SMOC2: variants seen among roughly 807,000 people sequenced by gnomAD.
The protein encoded by SMOC2 is SPARC-related modular calcium-binding protein 2.
Under a neutral mutation model 61.4 loss-of-function variants are expected in SMOC2, and 39 were observed. That is an observed-to-expected ratio of 0.64 (90% CI 0.49 to 0.83). SMOC2 has a LOEUF of 0.83. Among genes scored for constraint, SMOC2 ranks in the 40% least tolerant of loss-of-function variants. The pLI is 0.00. For missense variants in SMOC2, 556 were observed against 592.9 expected, an observed-to-expected ratio of 0.94 and a Z score of 0.65; for synonymous variants, 247 against 239.9, an observed-to-expected ratio of 1.03 and a Z score of -0.27.
intron 1 of SMOC2, among the ~76,000 whole-genome samples, chr6:168,446,121 G>C (rs537660477): frequency 3.8e-4 from 58 of 152,362 alleles, no homozygotes; most frequent in Middle Eastern, 3.4e-3. Flanking sequence ...CCAACACTTT[G>C]GGAAGCCAAG....
At chr6:168,575,054 A>C (rs1784763814) in intron 7 of SMOC2, among the ~76,000 whole-genome samples, 1 of 149,192 alleles carries the variant, frequency 6.7e-6, no homozygotes, top group Admixed American at 6.7e-5. Flanking sequence ...CTGCCAGCTT[A>C]GCAGCACCCT....
At chr6:168,539,645 G>A (rs995829189) in intron 4 of SMOC2, among the ~76,000 whole-genome samples, 1 of 152,254 alleles carries the variant, frequency 6.6e-6, no homozygotes, top group African/African-American at 2.4e-5. Context: ...GGGACAGAAC[G>A]CTCCTAACAG....
intron 7 of SMOC2, among the ~76,000 whole-genome samples, chr6:168,577,402 C>A (rs1355741641): frequency 6.6e-6 from 1 of 152,218 alleles, no homozygotes; most frequent in East Asian, 1.9e-4. Flanking sequence ...TCTGCTGGCA[C>A]CTAAACTCTG....
At chr6:168,541,506 G>A (rs1783878365) in intron 4 of SMOC2, among the ~76,000 whole-genome samples, 3 of 152,154 alleles carry the variant, frequency 2.0e-5, no homozygotes, top group Admixed American at 2.0e-4. Flanking sequence ...TCTTGGGTCT[G>A]GATTTGTGTG....
intron 1 of SMOC2, among the ~76,000 whole-genome samples, chr6:168,491,082 A>G (rs1232585248): frequency 6.6e-6 from 1 of 152,148 alleles, no homozygotes; most frequent in Non-Finnish European, 1.5e-5. Flanking sequence ...GTGACCCTGT[A>G]GGACTCTGGA....
chr6:168,590,554 C>T (rs935535166), intron 7 of SMOC2, among the ~76,000 whole-genome samples: 2 of 151,972 alleles, frequency 1.3e-5, no homozygotes, highest in African/African-American at 4.8e-5. Context: ...AGCAAGAACT[C>T]TCCAAATGTT....
intron 7 of SMOC2, among the ~76,000 whole-genome samples, chr6:168,567,378 G>A (rs571504334): frequency 6.6e-6 from 1 of 152,228 alleles, no homozygotes; most frequent in East Asian, 1.9e-4. Context: ...TGTATCAGAA[G>A]TTAAATTATG....
chr6:168,642,732 G>A (rs1377895279), intron 9 of SMOC2, among the ~76,000 whole-genome samples: 1 of 152,184 alleles, frequency 6.6e-6, no homozygotes, highest in East Asian at 1.9e-4. Context: ...CCTTTTATAA[G>A]CTGCAGGCAC....
At chr6:168,585,225 C>G (rs1309591951) in intron 7 of SMOC2, among the ~76,000 whole-genome samples, 1 of 152,210 alleles carries the variant, frequency 6.6e-6, no homozygotes, top group African/African-American at 2.4e-5. Context: ...TCCCAAAGGG[C>G]TGGGATTACA....
chr6:168,638,451 G>C (rs1467582385), intron 9 of SMOC2, among the ~76,000 whole-genome samples: 1 of 152,152 alleles, frequency 6.6e-6, no homozygotes, highest in Non-Finnish European at 1.5e-5. Flanking sequence ...AAGCAGCCCT[G>C]TTTTACTGTT....
intron 4 of SMOC2, among the ~76,000 whole-genome samples, chr6:168,539,039 C>T (rs1013164475): frequency 2.6e-5 from 4 of 152,162 alleles, no homozygotes; most frequent in East Asian, 1.9e-4. Context: ...TTCCTCCCTT[C>T]GCTTTGGGCA....
intron 2 of SMOC2, among the ~76,000 whole-genome samples, chr6:168,512,781 A>G (rs918243510): frequency 6.6e-6 from 1 of 152,146 alleles, no homozygotes; most frequent in African/African-American, 2.4e-5. Flanking sequence ...ACCACTTTCT[A>G]TGGCCTGAGG....
rs143795065 is a variant in SMOC2, at chr6:168,624,181, G to A, written c.907+15942G>A. 7.6e-3 allele frequency among the ~76,000 whole-genome samples: 1,155 copies of A among 152,318 alleles called. 7 individuals carry two copies. The highest frequency in any genetic ancestry group is 0.014 in the Middle Eastern group (4 of 294). On this transcript the variant is annotated intron_variant, in intron 9 of 12. Coordinates refer to ENST00000356284, the MANE Select transcript of SMOC2 (RefSeq NM_001166412.2). ...GTCAGCCTAGGTGCTTTCCCTATATGAGTTCATTTACGACTCATGACAGTG... is the reference window on the plus strand; with the variant it reads ...GTCAGCCTAGGTGCTTTCCCTATATAAGTTCATTTACGACTCATGACAGTG...
Position 168,652,852 on chromosome 6 carries a change from T to TGG in SMOC2, c.1011-101_1011-100insGG, listed in dbSNP as rs141547438. On this transcript the variant is annotated intron_variant, in intron 10 of 12. Transcript: ENST00000356284. Reference sequence around the variant, plus strand: ...GCTGCAGGCTGAGACACCAGGACCATGAGAACTACAAGCAGGGGTTATGGG... The same window carrying TGG: ...GCTGCAGGCTGAGACACCAGGACCATGGGAGAACTACAAGCAGGGGTTATGGG... The TGG allele has an allele frequency of 0.15, 161,830 of 1,048,830 alleles. 13,769 individuals are homozygous for TGG. Among genetic ancestry groups the TGG allele is most frequent in the African/African-American group, 0.18 (11,212 of 62,562 alleles). The allele number at this position is 1,048,830 out of a possible 1,614,324, so 65.0% of individuals were successfully genotyped here.
At chr6:168,620,753 A>C (rs767919783) in intron 9 of SMOC2, among the ~76,000 whole-genome samples, 2 of 152,202 alleles carry the variant, frequency 1.3e-5, no homozygotes, top group African/African-American at 2.4e-5. Context: ...GGGGATCAAG[A>C]CAGGGAAAAT....
intron 1 of SMOC2, among the ~76,000 whole-genome samples, chr6:168,483,613 A>C (rs1476592841): frequency 6.6e-6 from 1 of 152,158 alleles, no homozygotes; most frequent in Non-Finnish European, 1.5e-5. Context: ...CCTAAAATTC[A>C]TGTGGAATGT....
chr6:168,493,100 G>A (rs372045524), intron 1 of SMOC2, among the ~76,000 whole-genome samples: 2 of 152,054 alleles, frequency 1.3e-5, no homozygotes, highest in African/African-American at 4.8e-5. Context: ...GCAGTGGCAG[G>A]ATCTCAGCTC....
Position 168,666,761 on chromosome 6 carries a change from CA to C in SMOC2, c.*325del, listed in dbSNP as rs1787672896. The C allele has an allele frequency of 3.2e-6, 1 of 312,590 alleles. No individual in the cohort carries two copies. The highest frequency in any genetic ancestry group is 6.0e-6 in the Non-Finnish European group (1 of 167,812). 19.4% of individuals were successfully genotyped at this position (312,590 alleles called of 1,614,324 possible). On this transcript the variant is annotated 3_prime_UTR_variant, in exon 13 of 13. Transcript: ENST00000356284. ...AGTAGAGCTCTATGCACTCCGGCTG[CA>C]ATCGTATGGCTTTCTCTAACCCCTG...
At chr6:168,628,741 C>T (rs775660096) in intron 9 of SMOC2, among the ~76,000 whole-genome samples, 67 of 152,258 alleles carry the variant, frequency 4.4e-4, no homozygotes, top group Non-Finnish European at 6.2e-4. Context: ...GTGCTGAAGG[C>T]ACTACCTGCT....
Sources: allele counts gnomAD v4.1 joint callset (sites outside exome capture counted in the v4.1 genomes callset), GRCh38; gene constraint gnomAD v4.1.1; transcripts MANE v1.5; gene names NCBI Gene and HGNC (gene_info 2026-07-23, HGNC 2026-07-21).